FRAS1: variants seen among roughly 807,000 people sequenced by gnomAD.
FRAS1 encodes the protein Fraser extracellular matrix complex subunit 1.
FRAS1 carries 290 observed loss-of-function variants against 435.2 expected under a neutral mutation model. The ratio of observed to expected loss-of-function variants is 0.67; its 90% CI spans 0.61 to 0.73. The LOEUF (loss-of-function observed/expected upper bound fraction) is 0.73. FRAS1 is among the 30% of genes least tolerant of loss of function. The pLI, the probability that FRAS1 is intolerant of heterozygous loss-of-function variation, is 0.00. For synonymous variants in FRAS1, 1,800 were observed against 1,851.0 expected, an observed-to-expected ratio of 0.97 and a Z score of 0.71; for missense variants, 4,860 against 5,001.5, an observed-to-expected ratio of 0.97 and a Z score of 0.85.
In FRAS1 at chr4:78,255,315, G is replaced by A. The variant is rs1247946911; in HGVS notation, c.543G>A (p.Leu181=). The change falls in exon 6 of 74, where the codon CTG becomes CTA. Residue 181 remains leucine (L), a synonymous_variant. Coordinates refer to ENST00000512123, the MANE Select transcript of FRAS1 (RefSeq NM_025074.7). ...GGCTGAGCCGGTGTGCCAAATGTCTGTGTAGAAATGGGGTTGCCCAGTGCT... is the reference window on the plus strand; with the variant it reads ...GGCTGAGCCGGTGTGCCAAATGTCTATGTAGAAATGGGGTTGCCCAGTGCT... ...DWRLSRCAKC[L]CRNGVAQCFT... is the part of the protein sequence containing the mutation. 6.4e-7 allele frequency: 1 copy of A among 1,572,484 alleles called. No homozygotes were observed.
At chr4:78,256,800 A>C (rs973176556) in intron 6 of FRAS1, among the ~76,000 whole-genome samples, 1 of 152,190 alleles carries the variant, frequency 6.6e-6, no homozygotes, top group African/African-American at 2.4e-5. Context: ...CTGTTGTATC[A>C]TTAAGTCTAT....
intron 2 of FRAS1, among the ~76,000 whole-genome samples, chr4:78,207,447 G>T (rs556075073): frequency 6.6e-6 from 1 of 152,212 alleles, no homozygotes; most frequent in East Asian, 1.9e-4. Context: ...TTTCCATTTA[G>T]ATGAGAAAAG....
intron 2 of FRAS1, among the ~76,000 whole-genome samples, chr4:78,195,816 A>C (rs1158508218): frequency 6.6e-6 from 1 of 151,946 alleles, no homozygotes; most frequent in Non-Finnish European, 1.5e-5. Flanking sequence ...AGTGAGATGC[A>C]CCTGGTACCT....
At chr4:78,354,023 T>TAAAAAAAAAAAAAAAAAA (rs767987937) in intron 20 of FRAS1, among the ~76,000 whole-genome samples, 191 of 105,934 alleles carry the variant, frequency 1.8e-3, no homozygotes, top group South Asian at 7.1e-3. Context: ...AAAAATAAAA[T>TAAAAAAAAAAAAAAAAAA]AAAAAAAAAA....
chr4:78,158,605 C>T (rs1172561418), intron 2 of FRAS1, among the ~76,000 whole-genome samples: 1 of 152,140 alleles, frequency 6.6e-6, no homozygotes, highest in Non-Finnish European at 1.5e-5. Flanking sequence ...ATTAACTTCT[C>T]ATGACTACGT....
At chr4:78,180,376 T>C (rs971114952) in intron 2 of FRAS1, among the ~76,000 whole-genome samples, 1 of 152,250 alleles carries the variant, frequency 6.6e-6, no homozygotes, top group Admixed American at 6.5e-5. Context: ...AGAATAAAAT[T>C]TGACAAATCA....
intron 6 of FRAS1, among the ~76,000 whole-genome samples, chr4:78,261,514 G>A (rs1726104440): frequency 6.6e-6 from 1 of 152,066 alleles, no homozygotes; most frequent in Non-Finnish European, 1.5e-5. Flanking sequence ...CCTTCCCCCT[G>A]CGCTTCTACC....
At chr4:78,374,836 G>A (rs926940201) in intron 25 of FRAS1, among the ~76,000 whole-genome samples, 11 of 151,986 alleles carry the variant, frequency 7.2e-5, no homozygotes, top group Admixed American at 4.6e-4. Context: ...CTATTAACCC[G>A]GCATAGCATT....
chr4:78,386,457 C>G (rs1732221104), intron 28 of FRAS1, among the ~76,000 whole-genome samples: 1 of 152,088 alleles, frequency 6.6e-6, no homozygotes, highest in African/African-American at 2.4e-5. Context: ...TAATTTCCCA[C>G]TATGTAACTA....
chr4:78,088,467 A>T (rs1055756704), intron 2 of FRAS1, among the ~76,000 whole-genome samples: 9 of 151,804 alleles, frequency 5.9e-5, no homozygotes, highest in African/African-American at 1.9e-4. Context: ...ACAGCAAAAG[A>T]AACTACCATC....
intron 31 of FRAS1, among the ~76,000 whole-genome samples, chr4:78,410,962 A>G (rs537181169): frequency 6.6e-6 from 1 of 152,354 alleles, no homozygotes; most frequent in African/African-American, 2.4e-5. Flanking sequence ...GCTAGGTGCT[A>G]ACGTAAGTGG....
chr4:78,247,781 A>T (rs910302506), intron 4 of FRAS1, among the ~76,000 whole-genome samples: 1 of 152,162 alleles, frequency 6.6e-6, no homozygotes, highest in African/African-American at 2.4e-5. Context: ...TGCCTCCCCT[A>T]GGGCGGGTAA....
intron 59 of FRAS1, among the ~76,000 whole-genome samples, chr4:78,494,293 A>G (rs776552354): frequency 9.2e-5 from 14 of 151,964 alleles, no homozygotes; most frequent in Non-Finnish European, 1.9e-4. Flanking sequence ...GTCTTAGTCG[A>G]TTTGCATTGC....
chr4:78,502,580 T>TG (rs199885883), intron 61 of FRAS1, among the ~76,000 whole-genome samples: 49,940 of 152,034 alleles, frequency 0.33, 8,916 homozygotes, highest in South Asian at 0.52. Flanking sequence ...CCTGAAACTT[T>TG]CTGAAGTTGC....
intron 47 of FRAS1, among the ~76,000 whole-genome samples, chr4:78,459,002 C>G (rs531265880): frequency 1.4e-4 from 21 of 152,260 alleles, no homozygotes; most frequent in Middle Eastern, 3.4e-3. Context: ...CAAGGGTTCT[C>G]AGCTCTGTTT....
At chr4:78,261,834 T>C (rs557777735) in intron 6 of FRAS1, among the ~76,000 whole-genome samples, 87 of 152,334 alleles carry the variant, frequency 5.7e-4, no homozygotes, top group African/African-American at 1.9e-3. Flanking sequence ...CTGTGTCACA[T>C]AAAACTTAAA....
At chr4:78,457,099 C>T (rs1467866702) in intron 47 of FRAS1, among the ~76,000 whole-genome samples, 4 of 152,186 alleles carry the variant, frequency 2.6e-5, no homozygotes, top group African/African-American at 7.2e-5. Flanking sequence ...ATAATGGCTG[C>T]TTGGCTAGAT....
chr4:78,076,721 A>T (rs759041292), intron 2 of FRAS1, among the ~76,000 whole-genome samples: 2 of 152,326 alleles, frequency 1.3e-5, no homozygotes, highest in Non-Finnish European at 2.9e-5. Context: ...GATTCTTCAT[A>T]GCCTGAGGAC....
chr4:78,164,906 A>G (rs964678661), intron 2 of FRAS1, among the ~76,000 whole-genome samples: 1 of 152,132 alleles, frequency 6.6e-6, no homozygotes, highest in African/African-American at 2.4e-5. Context: ...TTTAGCATCC[A>G]TACTGTTATT....
Sources: gnomAD v4.1 joint callset for allele counts (sites outside exome capture counted in the v4.1 genomes callset) on GRCh38, gnomAD v4.1.1 for gene constraint, MANE v1.5 for transcripts, NCBI Gene and HGNC (gene_info 2026-07-23, HGNC 2026-07-21) for gene names.